PACRG: variants seen among roughly 807,000 people sequenced by gnomAD.
PACRG encodes parkin coregulated.
In PACRG, 29 loss-of-function variants were observed where a neutral mutation model predicts 29.7. That is an observed-to-expected ratio of 0.98 (90% CI 0.73 to 1.33). The LOEUF is 1.33. Among genes scored for constraint, PACRG ranks in the 40% most tolerant of loss-of-function variants. The probability of loss-of-function intolerance (pLI) is 0.00; values close to 1 mark genes in which losing one functional copy is unlikely to be tolerated. For synonymous variants in PACRG, 116 were observed against 118.7 expected, an observed-to-expected ratio of 0.98 and a Z score of 0.15; for missense variants, 279 against 316.2, an observed-to-expected ratio of 0.88 and a Z score of 0.89.
chr6:163,157,014 C>T (rs556183460), intron 4 of PACRG, among the ~76,000 whole-genome samples: 1 of 151,320 alleles, frequency 6.6e-6, no homozygotes, highest in South Asian at 2.1e-4. Context: ...GCAACATAGT[C>T]ACATAGTCAC....
intron 2 of PACRG, among the ~76,000 whole-genome samples, chr6:163,039,511 T>C (rs1261027845): frequency 6.6e-6 from 1 of 152,204 alleles, no homozygotes; most frequent in Non-Finnish European, 1.5e-5. Context: ...GTTTGGAACT[T>C]CCTAGAGACT....
intron 1 of PACRG, among the ~76,000 whole-genome samples, chr6:162,798,185 C>A (rs2128337133): frequency 6.6e-6 from 1 of 152,278 alleles, no homozygotes; most frequent in African/African-American, 2.4e-5. Flanking sequence ...CCAACCTTTT[C>A]CCTCTCTATT....
In PACRG at chr6:162,969,907, A is replaced by G. The variant is rs536090739; in HGVS notation, c.292-92243A>G. Among the ~76,000 whole-genome samples, 5 of 152,262 alleles carry G rather than the reference A, an allele frequency of 3.3e-5. No individual in the cohort carries two copies. In the East Asian group the frequency reaches 9.7e-4, roughly 29 times the overall value. ...CCGCCAATTGCCACTGTTTATCTGC[A>G]TGTTTGTTGCATGTGAGCTCTCTGA... On this transcript the variant is annotated intron_variant, in intron 2 of 4. Coordinates refer to ENST00000366888, the MANE Select transcript of PACRG (RefSeq NM_001080379.2).
intron 4 of PACRG, among the ~76,000 whole-genome samples, chr6:163,301,542 A>G (rs1785002708): frequency 6.6e-6 from 1 of 152,214 alleles, no homozygotes; most frequent in Admixed American, 6.5e-5. Context: ...AGTCCAGATA[A>G]CAATGTCCTG....
At chr6:163,056,366 A>G (rs1414041480) in intron 2 of PACRG, among the ~76,000 whole-genome samples, 1 of 152,248 alleles carries the variant, frequency 6.6e-6, no homozygotes, top group Non-Finnish European at 1.5e-5. Context: ...TAGTGGAGAA[A>G]TGAAATGTGT....
At chr6:163,015,218 T>G (rs1027024076) in intron 2 of PACRG, among the ~76,000 whole-genome samples, 7 of 152,180 alleles carry the variant, frequency 4.6e-5, no homozygotes, top group Non-Finnish European at 8.8e-5. Context: ...TGTCCAGCTT[T>G]GTACCAGTAG....
intron 4 of PACRG, among the ~76,000 whole-genome samples, chr6:163,262,574 G>A (rs1191429920): frequency 6.6e-6 from 1 of 151,508 alleles, no homozygotes; most frequent in Non-Finnish European, 1.5e-5. Context: ...ACATGTGCTT[G>A]TGAGAATGAT....
intron 4 of PACRG, among the ~76,000 whole-genome samples, chr6:163,249,066 T>G (rs374993437): frequency 2.6e-5 from 4 of 151,528 alleles, no homozygotes; most frequent in Admixed American, 2.0e-4. Flanking sequence ...GGTTTGTTCT[T>G]AATGAAACCA....
rs183837132 is a variant in PACRG at position 163,234,812 on chromosome 6, A to G, written c.614-80015A>G. 1.8e-4 allele frequency among the ~76,000 whole-genome samples: 28 copies of G among 152,332 alleles called. No homozygotes were observed. The East Asian group carries it at 5.2e-3, about 28-fold the overall frequency. On this transcript the variant is annotated intron_variant, in intron 4 of 4. Coordinates refer to ENST00000366888, the MANE Select transcript of PACRG (RefSeq NM_001080379.2). ...TGAGCAACAATGCTGTCTTGGGTAAAGCAGTTTTCATATAGAGGTAAAACA... is the reference window on the plus strand; with the variant it reads ...TGAGCAACAATGCTGTCTTGGGTAAGGCAGTTTTCATATAGAGGTAAAACA...
intron 4 of PACRG, chr6:163,179,381 G>T: frequency 1.1e-5 from 3 of 272,376 alleles, no homozygotes; most frequent in South Asian, 3.0e-5. Context: ...TACTCATTTG[G>T]TGTTCTTTAA....
At chr6:162,745,656 A>G (rs1243896608) in intron 1 of PACRG, among the ~76,000 whole-genome samples, 4 of 152,212 alleles carry the variant, frequency 2.6e-5, no homozygotes, top group East Asian at 3.9e-4. Context: ...AAGGTTTAAT[A>G]ACTAGGATGA....
rs568109965 is a variant in PACRG at position 163,130,910 on chromosome 6, G to A, written c.613+41502G>A. ...TCCATGTCCTTCCCAGAATCTCAGA[G>A]TGTGACCTTCTTTGGAAATAGGATT... On this transcript the variant is annotated intron_variant, in intron 4 of 4. Transcript: ENST00000366888. Among the ~76,000 whole-genome samples, 7 of 152,308 alleles carry A rather than the reference G, an allele frequency of 4.6e-5. No homozygotes were observed. In the South Asian group the frequency reaches 6.2e-4, roughly 14 times the overall value.
intron 2 of PACRG, among the ~76,000 whole-genome samples, chr6:162,898,421 C>CA (rs1795322061): frequency 6.6e-6 from 1 of 152,158 alleles, no homozygotes; most frequent in African/African-American, 2.4e-5. Context: ...GAATGCACCA[C>CA]AGGACTGGAT....
chr6:163,246,528 A>C (rs1782704422), intron 4 of PACRG, among the ~76,000 whole-genome samples: 2 of 152,196 alleles, frequency 1.3e-5, no homozygotes, highest in South Asian at 4.1e-4. Flanking sequence ...TGTAATGTTT[A>C]CATAGCCGTT....
rs530926707 is a variant in PACRG, at chr6:163,039,370, A to G, written c.292-22780A>G. On this transcript the variant is annotated intron_variant, in intron 2 of 4. Transcript: ENST00000366888. ...AGTGTGAGAACAAACTAATACAGAAAATTGGTACCAGCAGAGTGGGGTACT... is the reference window on the plus strand; with the variant it reads ...AGTGTGAGAACAAACTAATACAGAAGATTGGTACCAGCAGAGTGGGGTACT... Among the ~76,000 whole-genome samples the G allele has an allele frequency of 7.2e-5, 11 of 152,328 alleles. No individual in the cohort carries two copies. The East Asian group carries it at 2.1e-3, about 29-fold the overall frequency.
In PACRG at chr6:162,998,132, A is replaced by G. The variant is rs564029794; in HGVS notation, c.292-64018A>G. Reference sequence around the variant, plus strand: ...AACTCTGTTCCGCTGGTAGTGCGTCATAATAGGGGCAGGCTGTCAATGTTG... The same window carrying G: ...AACTCTGTTCCGCTGGTAGTGCGTCGTAATAGGGGCAGGCTGTCAATGTTG... On this transcript the variant is annotated intron_variant, in intron 2 of 4. Coordinates refer to ENST00000366888, the MANE Select transcript of PACRG (RefSeq NM_001080379.2). Among the ~76,000 whole-genome samples the G allele has an allele frequency of 2.6e-5, 4 of 152,368 alleles. No individual in the cohort carries two copies. In the South Asian group the frequency reaches 8.3e-4, roughly 32 times the overall value.
intron 2 of PACRG, among the ~76,000 whole-genome samples, chr6:162,860,987 G>A (rs140091949): frequency 1.8e-4 from 28 of 152,268 alleles, no homozygotes; most frequent in African/African-American, 6.3e-4. Context: ...CAATACAGAT[G>A]CAGATAAGGT....
intron 2 of PACRG, among the ~76,000 whole-genome samples, chr6:162,943,311 C>T (rs1173194809): frequency 6.6e-6 from 1 of 152,210 alleles, no homozygotes; most frequent in Non-Finnish European, 1.5e-5. Context: ...CCATCCATAG[C>T]TGCCATCGCT....
At position 162,805,180 on chromosome 6, in the gene PACRG, A is replaced by G. The variant is rs536804242; in HGVS notation, c.157-8967A>G. On this transcript the variant is annotated intron_variant, in intron 1 of 4. Coordinates refer to ENST00000366888, the MANE Select transcript of PACRG (RefSeq NM_001080379.2). Reference sequence around the variant, plus strand: ...TGTTCTGCAACACATGACTATATATAAAGGGCGACCTTGGAGATATCACAG... The same window carrying G: ...TGTTCTGCAACACATGACTATATATGAAGGGCGACCTTGGAGATATCACAG... Among the ~76,000 whole-genome samples, 156 of 152,308 alleles carry G rather than the reference A, an allele frequency of 1.0e-3. 2 individuals are homozygous for G. Among genetic ancestry groups the G allele is most frequent in the Middle Eastern group, 3.4e-3 (1 of 294 alleles).
Sources: gnomAD v4.1 joint callset for allele counts (sites outside exome capture counted in the v4.1 genomes callset) on GRCh38, gnomAD v4.1.1 for gene constraint, MANE v1.5 for transcripts, NCBI Gene and HGNC (gene_info 2026-07-23, HGNC 2026-07-21) for gene names.